Variants in ATP8A2 observed in about 807,000 individuals in gnomAD.
ATP8A2 encodes the protein ATPase phospholipid transporting 8A2, also known as phospholipid-transporting ATPase IB.
In ATP8A2, 100 loss-of-function variants were observed where a neutral mutation model predicts 165.6. The observed-to-expected ratio is 0.60, with a 90% CI of 0.51 to 0.71. ATP8A2 has a LOEUF of 0.71. Ranked by LOEUF, ATP8A2 falls within the 30% of genes least tolerant of loss-of-function variation. ATP8A2 has a pLI of 0.00. For synonymous variants in ATP8A2, 543 were observed against 548.8 expected (o/e 0.99, Z 0.15); for missense variants, 1,227 against 1,479.5 (o/e 0.83, Z 2.80).
At chr13:25,623,062 C>T (rs1273880425) in intron 24 of ATP8A2, among the ~76,000 whole-genome samples, 1 of 152,148 alleles carries the variant, frequency 6.6e-6, no homozygotes, top group Middle Eastern at 3.2e-3. Flanking sequence ...GAGGCACCCT[C>T]ACTTCAAAAG....
chr13:25,465,013 T>C (rs1193626019), intron 1 of ATP8A2, among the ~76,000 whole-genome samples: 3 of 152,228 alleles, frequency 2.0e-5, no homozygotes, highest in Non-Finnish European at 4.4e-5. Context: ...TCTCAGTTCT[T>C]TCCCTTCCCT....
chr13:25,652,343 A>T (rs2041832806), intron 24 of ATP8A2, among the ~76,000 whole-genome samples: 1 of 152,118 alleles, frequency 6.6e-6, no homozygotes, highest in Non-Finnish European at 1.5e-5. Flanking sequence ...CTCCTTTACC[A>T]TGTGTGTTAA....
At chr13:25,576,318 G>A (rs2039616954) in intron 19 of ATP8A2, among the ~76,000 whole-genome samples, 1 of 152,152 alleles carries the variant, frequency 6.6e-6, no homozygotes, top group South Asian at 2.1e-4. Context: ...TGTAGTTGGA[G>A]TGTGCTTCAG....
At chr13:25,595,550 G>A (rs1341063038) in intron 24 of ATP8A2, among the ~76,000 whole-genome samples, 2 of 152,128 alleles carry the variant, frequency 1.3e-5, no homozygotes, top group East Asian at 1.9e-4. Context: ...GGCTGGAAAT[G>A]GTATAAGGCT....
rs755171308 is a variant in ATP8A2 at position 25,862,356 on chromosome 13, T to C, written c.3131T>C (p.Ile1044Thr). 3.1e-6 allele frequency: 5 copies of C among 1,614,146 alleles called. No homozygotes were observed. In the South Asian group the frequency reaches 5.5e-5, roughly 18 times the overall value. Residue 1044 changes from isoleucine to threonine, a missense_variant, in exon 33 of 37, where the codon ATC becomes ACC. Physicochemically the swap from Ile to Thr is moderately conservative, Grantham distance 89 (BLOSUM62 -1). Around this residue, in one of 5 missense-constraint regions of ATP8A2, gnomAD observed 260 missense variants for 245.1 expected, o/e 1.06. Coordinates refer to ENST00000381655, the MANE Select transcript of ATP8A2 (RefSeq NM_016529.6). ...SMLTWLVFFGIYSTIWPTIPI... is the reference protein window; with the variant it reads ...SMLTWLVFFGTYSTIWPTIPI... ...CTGACCTGGCTGGTGTTTTTTGGCA[T>C]CTACTCGACCATCTGGCCCACCATT...
chr13:25,402,504 C>A (rs2033669396), intron 1 of ATP8A2, among the ~76,000 whole-genome samples: 1 of 152,140 alleles, frequency 6.6e-6, no homozygotes, highest in Non-Finnish European at 1.5e-5. Context: ...GCTGGTGTGC[C>A]CTGGCACTGG....
intron 36 of ATP8A2, among the ~76,000 whole-genome samples, chr13:26,013,333 G>A (rs1410542260): frequency 2.6e-5 from 4 of 152,004 alleles, no homozygotes; most frequent in Non-Finnish European, 4.4e-5. Context: ...CTTACTCCCT[G>A]CCTCCCTTTC....
chr13:25,701,562 GA>G (rs1176537111), intron 25 of ATP8A2, among the ~76,000 whole-genome samples: 6 of 152,114 alleles, frequency 3.9e-5, no homozygotes, highest in Non-Finnish European at 8.8e-5. Context: ...TAACAACGTG[GA>G]AAAGTCTGGT....
At chr13:25,772,845 C>G (rs1389968251) in intron 26 of ATP8A2, among the ~76,000 whole-genome samples, 1 of 151,900 alleles carries the variant, frequency 6.6e-6, no homozygotes, top group African/African-American at 2.4e-5. Context: ...CCTCCGCCTC[C>G]GCCTCCTGGG....
At chr13:25,549,438 C>T (rs1476788293) in intron 10 of ATP8A2, among the ~76,000 whole-genome samples, 4 of 142,494 alleles carry the variant, frequency 2.8e-5, no homozygotes, top group Admixed American at 1.4e-4. Context: ...CCAGCCTGGG[C>T]AACACGGTGA....
chr13:25,728,003 C>A (rs1367668387), intron 25 of ATP8A2, among the ~76,000 whole-genome samples: 1 of 152,184 alleles, frequency 6.6e-6, no homozygotes, highest in Non-Finnish European at 1.5e-5. Flanking sequence ...CCACGCTTCT[C>A]AGATCCCAAG....
chr13:25,458,081 T>G (rs1288226905), intron 1 of ATP8A2, among the ~76,000 whole-genome samples: 2 of 152,226 alleles, frequency 1.3e-5, no homozygotes, highest in African/African-American at 4.8e-5. Flanking sequence ...GTTTTTCTCT[T>G]GTACTTGACT....
chr13:25,909,186 T>C (rs1280555950), intron 33 of ATP8A2, among the ~76,000 whole-genome samples: 2 of 152,034 alleles, frequency 1.3e-5, no homozygotes, highest in Non-Finnish European at 2.9e-5. Flanking sequence ...CAAAGTAGAG[T>C]GACATACTAG....
intron 19 of ATP8A2, among the ~76,000 whole-genome samples, chr13:25,575,883 A>G (rs993298201): frequency 2.0e-5 from 3 of 152,122 alleles, no homozygotes; most frequent in African/African-American, 7.2e-5. Context: ...TGGACAGGCA[A>G]GGAGGAGGAG....
At chr13:25,549,579 C>T (rs943112857) in intron 10 of ATP8A2, among the ~76,000 whole-genome samples, 3 of 151,720 alleles carry the variant, frequency 2.0e-5, no homozygotes, top group Admixed American at 6.6e-5. Flanking sequence ...GGAATTATTT[C>T]ACCCCCAGGA....
At position 25,372,632 on chromosome 13, in the gene ATP8A2, C is replaced by A. The variant is rs981214098; in HGVS notation, c.76+344C>A. Among the ~76,000 whole-genome samples, 1 of 152,156 alleles carries A rather than the reference C, an allele frequency of 6.6e-6. No homozygotes were observed. The highest frequency in any genetic ancestry group is 1.5e-5 in the Non-Finnish European group (1 of 68,016). On this transcript the variant is annotated intron_variant, in intron 1 of 36. Transcript: ENST00000381655. This position sits in a 1 kb window ranked among gnomAD's most constrained non-coding sequence, Gnocchi z 4.8. ...ATGCGGCTCAGGGATGCGACCTAGG[C>A]GGCAGTCACCGCGATGGTGGGCACG... is the stretch of plus-strand genomic sequence containing the variant.
chr13:25,966,211 G>T (rs1379338672), intron 34 of ATP8A2, among the ~76,000 whole-genome samples: 1 of 152,094 alleles, frequency 6.6e-6, no homozygotes, highest in African/African-American at 2.4e-5. Context: ...GCCTCTCGAT[G>T]TGGGGTTAGA....
intron 29 of ATP8A2, 149 bp downstream of exon 29, chr13:25,837,434 C>T: frequency 2.2e-6 from 1 of 448,200 alleles, no homozygotes; most frequent in Admixed American, 3.6e-5. Context: ...CACACACACA[C>T]ACACACACAC....
intron 25 of ATP8A2, among the ~76,000 whole-genome samples, chr13:25,756,004 C>T (rs998235497): frequency 1.3e-5 from 2 of 152,162 alleles, no homozygotes; most frequent in African/African-American, 4.8e-5. Flanking sequence ...ACTTTCTTCT[C>T]TTCTTGTTTC....
Sources: gnomAD v4.1 joint callset for allele counts (sites outside exome capture counted in the v4.1 genomes callset) on GRCh38, gnomAD v4.1.1 for gene constraint, gnomAD v4.1.1 regional missense constraint, Gnocchi (gnomAD v3.1) non-coding constraint, MANE v1.5 for transcripts, NCBI Gene and HGNC (gene_info 2026-07-23, HGNC 2026-07-21) for gene names.